BBOX1: variants seen among roughly 807,000 people sequenced by gnomAD.
BBOX1 encodes gamma-butyrobetaine dioxygenase.
In BBOX1, 35 loss-of-function variants were observed where a neutral mutation model predicts 41.6. The ratio of observed to expected loss-of-function variants is 0.84; its 90% CI spans 0.64 to 1.11. BBOX1 has a LOEUF of 1.11. BBOX1 is among the 50% of genes most tolerant of loss of function. The pLI is 0.00. For missense variants in BBOX1, 458 were observed against 460.6 expected (o/e 0.99, Z 0.05); for synonymous variants, 163 against 154.7 (o/e 1.05, Z -0.40).
Position 27,093,207 on chromosome 11 carries a change from T to C in BBOX1, c.374T>C (p.Leu125Ser), listed in dbSNP as rs755973506. ...GGCTCAGAGCTCCAGCTACCCACTT[T>C]GGATTTTGAAGATGTTTTAAGATAT... ...YWGSELQLPT[L>S]DFEDVLRYDE... The change falls in exon 5 of 9, where the codon TTG becomes TCG. Residue 125 changes from leucine (L) to serine (S), a missense_variant. By Grantham distance (145) the Leu-to-Ser change is moderately radical (BLOSUM62 -2). Coordinates refer to ENST00000263182, the MANE Select transcript of BBOX1 (RefSeq NM_003986.3). 1 of 1,612,378 alleles carries C rather than the reference T, an allele frequency of 6.2e-7. No individual in the cohort carries two copies. Among genetic ancestry groups the C allele is most frequent in the Admixed American group, 1.7e-5 (1 of 59,834 alleles).
chr11:27,102,792 C>A (rs1858709483), intron 5 of BBOX1, among the ~76,000 whole-genome samples: 1 of 152,028 alleles, frequency 6.6e-6, no homozygotes, highest in African/African-American at 2.4e-5. Flanking sequence ...AGTTTTAAGG[C>A]CTTTATACTT....
chr11:27,113,446 A>T (rs1859150143), intron 5 of BBOX1, among the ~76,000 whole-genome samples: 1 of 152,008 alleles, frequency 6.6e-6, no homozygotes, highest in Non-Finnish European at 1.5e-5. Flanking sequence ...AATATGGTAC[A>T]TATACACCAT....
intron 2 of BBOX1, among the ~76,000 whole-genome samples, chr11:27,045,582 T>C (rs1851465439): frequency 6.6e-6 from 1 of 152,204 alleles, no homozygotes; most frequent in African/African-American, 2.4e-5. Context: ...TAAGTAACTC[T>C]TATTATTTTG....
At chr11:27,067,057 T>C (rs1228455654) in intron 4 of BBOX1, among the ~76,000 whole-genome samples, 1 of 152,178 alleles carries the variant, frequency 6.6e-6, no homozygotes, top group Non-Finnish European at 1.5e-5. Context: ...AATAATAGTA[T>C]ATACTTAACT....
chr11:27,085,878 G>A (rs535547488), intron 4 of BBOX1, among the ~76,000 whole-genome samples: 2 of 152,176 alleles, frequency 1.3e-5, no homozygotes, highest in African/African-American at 4.8e-5. Flanking sequence ...TGATAAGAAA[G>A]CAAAACAGCC....
At chr11:27,126,757 G>C (rs1859671583) in intron 8 of BBOX1, among the ~76,000 whole-genome samples, 1 of 149,140 alleles carries the variant, frequency 6.7e-6, no homozygotes. Flanking sequence ...CTCACTGCAA[G>C]CTCCGCCTCC....
At chr11:27,079,679 A>T (rs1857765343) in intron 4 of BBOX1, among the ~76,000 whole-genome samples, 1 of 152,116 alleles carries the variant, frequency 6.6e-6, no homozygotes, top group South Asian at 2.1e-4. Flanking sequence ...GATAGAGGGG[A>T]TTATTGAAGT....
At chr11:27,107,358 A>C (rs2134076509) in intron 5 of BBOX1, among the ~76,000 whole-genome samples, 1 of 152,274 alleles carries the variant, frequency 6.6e-6, no homozygotes, top group African/African-American at 2.4e-5. Context: ...CTAATAAAGA[A>C]GAAATGTTGA....
intron 6 of BBOX1, among the ~76,000 whole-genome samples, chr11:27,116,237 C>T (rs546444570): frequency 2.0e-5 from 3 of 151,866 alleles, no homozygotes; most frequent in South Asian, 2.1e-4. Context: ...AATCAAACAC[C>T]GCATGTTCTC....
At chr11:27,062,593 T>A (rs1857162538) in intron 4 of BBOX1, among the ~76,000 whole-genome samples, 1 of 151,810 alleles carries the variant, frequency 6.6e-6, no homozygotes, top group Non-Finnish European at 1.5e-5. Context: ...GGAGTCTTCC[T>A]CTGTCACCAG....
At chr11:27,085,910 T>A (rs1012647213) in intron 4 of BBOX1, among the ~76,000 whole-genome samples, 4 of 152,028 alleles carry the variant, frequency 2.6e-5, no homozygotes, top group African/African-American at 9.7e-5. Context: ...GTGGAGAAAG[T>A]TTGAGGGGTC....
At chr11:27,050,619 C>T (rs186436300) in intron 2 of BBOX1, among the ~76,000 whole-genome samples, 3 of 149,934 alleles carry the variant, frequency 2.0e-5, no homozygotes, top group South Asian at 2.1e-4. Context: ...ATTGAATTGT[C>T]TTATCGATAC....
intron 5 of BBOX1, among the ~76,000 whole-genome samples, chr11:27,093,703 T>G (rs1010578544): frequency 2.6e-5 from 4 of 151,988 alleles, no homozygotes; most frequent in African/African-American, 9.7e-5. Flanking sequence ...ACTGGAAGTC[T>G]AAGATCAAGG....
intron 8 of BBOX1, 114 bp from the exon 9 acceptor site, chr11:27,127,179 G>T: frequency 1.8e-6 from 2 of 1,136,848 alleles, no homozygotes; most frequent in Non-Finnish European, 2.5e-6. Context: ...AAAGAAATAA[G>T]CGATGATTCT....
At chr11:27,084,911 A>G (rs1353020689) in intron 4 of BBOX1, among the ~76,000 whole-genome samples, 2 of 152,178 alleles carry the variant, frequency 1.3e-5, no homozygotes, top group Admixed American at 6.5e-5. Context: ...GTAAGACCAT[A>G]AGTTAAATTA....
intron 4 of BBOX1, among the ~76,000 whole-genome samples, chr11:27,067,089 G>C (rs927345836): frequency 6.6e-6 from 1 of 152,122 alleles, no homozygotes; most frequent in African/African-American, 2.4e-5. Context: ...GCAATGTTGG[G>C]TGAAGGGTAG....
At position 27,057,213 on chromosome 11, in the gene BBOX1, T is replaced by A. The variant is rs376519640; in HGVS notation, c.232T>A (p.Trp78Arg). ...TTTGTGTTATAAGGTGTACATCACA[T>A]GGCCCGATGAGCATTACAGTGAATT... The part of the protein sequence containing the change: ...IFDRKKVYIT[W>R]PDEHYSEFQA... The change falls in exon 4 of 9, where the codon TGG (tryptophan) becomes AGG (arginine). Residue 78 changes from tryptophan to arginine, a missense_variant. Physicochemically the swap from Trp to Arg is moderately radical, Grantham distance 101. Coordinates refer to ENST00000263182, the MANE Select transcript of BBOX1 (RefSeq NM_003986.3). 5.5e-5 allele frequency: 88 copies of A among 1,603,328 alleles called. No homozygotes were observed. The highest frequency in any genetic ancestry group is 7.3e-5 in the Non-Finnish European group (86 of 1,177,460).
intron 5 of BBOX1, among the ~76,000 whole-genome samples, chr11:27,108,862 A>C (rs112596240): frequency 4.9e-4 from 75 of 152,178 alleles, no homozygotes; most frequent in African/African-American, 1.8e-3. Flanking sequence ...AAGAGATTAT[A>C]GATTGTATTT....
At chr11:27,126,537 A>G (rs1206298982) in intron 8 of BBOX1, among the ~76,000 whole-genome samples, 1 of 152,204 alleles carries the variant, frequency 6.6e-6, no homozygotes, top group African/African-American at 2.4e-5. Context: ...AGATGAGAGA[A>G]TACTTTCTTT....
Sources: allele counts gnomAD v4.1 joint callset (sites outside exome capture counted in the v4.1 genomes callset), GRCh38; gene constraint gnomAD v4.1.1; transcripts MANE v1.5; gene names NCBI Gene and HGNC (gene_info 2026-07-23, HGNC 2026-07-21).